The following UGT1A8 variants were observed in gnomAD, a reference collection of about 807,000 sequenced individuals.
UGT1A8 encodes UDP-glucuronosyltransferase 1A8.
Under a neutral mutation model 45.3 loss-of-function variants are expected in UGT1A8, and 39 were observed. The ratio of observed to expected loss-of-function variants is 0.86; its 90% CI spans 0.67 to 1.12. The LOEUF is 1.12. Ranked by LOEUF, UGT1A8 falls within the 50% of genes most tolerant of loss-of-function variation. The pLI is 0.00. For missense variants in UGT1A8, 719 were observed against 664.9 expected (o/e 1.08, Z -0.90); for synonymous variants, 275 against 249.2 (o/e 1.10, Z -0.97).
chr2:233,636,833 G>A (rs1220672503), intron 1 of UGT1A8: 4 of 1,614,192 alleles, frequency 2.5e-6, no homozygotes, highest in Non-Finnish European at 3.4e-6. Flanking sequence ...CAGGCACAAA[G>A]TATATTTTCT....
chr2:233,689,198 C>T (rs867212670), intron 1 of UGT1A8, among the ~76,000 whole-genome samples: 2 of 152,196 alleles, frequency 1.3e-5, no homozygotes, highest in Non-Finnish European at 2.9e-5. Flanking sequence ...AACTGTCTGG[C>T]TGGGCAAGCC....
intron 1 of UGT1A8, among the ~76,000 whole-genome samples, chr2:233,736,379 C>T (rs2078756345): frequency 6.6e-6 from 1 of 152,164 alleles, no homozygotes; most frequent in African/African-American, 2.4e-5. Context: ...TTAAGGTCTT[C>T]TCTACAGTGT....
chr2:233,627,230 A>G (rs1316364267), intron 1 of UGT1A8, among the ~76,000 whole-genome samples: 1 of 152,016 alleles, frequency 6.6e-6, no homozygotes, highest in Non-Finnish European at 1.5e-5. Flanking sequence ...AACCCTGTTC[A>G]GGCAGATATG....
Position 233,772,832 on chromosome 2 carries a change from C to CACACAAGAAAGCCAGCAAGG in UGT1A8, c.*273_*274insACACAAGAAAGCCAGCAAGG. On this transcript the variant is annotated 3_prime_UTR_variant, in exon 5 of 5. Coordinates refer to ENST00000373450, the MANE Select transcript of UGT1A8 (RefSeq NM_019076.5). ...GAGGACGTGCAGACAGGCTGGCATT[C>CACACAAGAAAGCCAGCAAGG]TAGATTACTTTTCTTACTCTGAAAC... is the stretch of plus-strand genomic sequence containing the variant. 1 of 899,520 alleles carries CACACAAGAAAGCCAGCAAGG rather than the reference C, an allele frequency of 1.1e-6. No individual in the cohort carries two copies. The highest frequency in any genetic ancestry group is 1.5e-6 in the Non-Finnish European group (1 of 646,890). The allele number at this position is 899,520 out of a possible 1,614,324, so 55.7% of individuals were successfully genotyped here. A position where few individuals can be genotyped will look rare whatever the true frequency, so the allele number is the denominator to read the frequency against.
chr2:233,642,605 G>A (rs1221022287), intron 1 of UGT1A8, among the ~76,000 whole-genome samples: 1 of 152,206 alleles, frequency 6.6e-6, no homozygotes, highest in Non-Finnish European at 1.5e-5. Flanking sequence ...GGGCATTGAA[G>A]AGTTAGGTGT....
At chr2:233,694,020 G>A (rs1390439150) in intron 1 of UGT1A8, among the ~76,000 whole-genome samples, 1 of 152,202 alleles carries the variant, frequency 6.6e-6, no homozygotes, top group African/African-American at 2.4e-5. Context: ...GAACACATAG[G>A]AGACCTGAGG....
chr2:233,729,866 A>G (rs1305518931), intron 1 of UGT1A8: 3 of 1,613,610 alleles, frequency 1.9e-6, no homozygotes, highest in South Asian at 2.2e-5. Context: ...TCAGTGGTGG[A>G]TATTCTCAGT....
chr2:233,620,670 A>G (rs566098469), intron 1 of UGT1A8, among the ~76,000 whole-genome samples: 18 of 152,328 alleles, frequency 1.2e-4, no homozygotes, highest in African/African-American at 2.6e-4. Context: ...ATTAATGTAT[A>G]TATTTATGAT....
intron 1 of UGT1A8, among the ~76,000 whole-genome samples, chr2:233,674,470 G>A (rs2074286048): frequency 6.6e-6 from 1 of 152,090 alleles, no homozygotes. Context: ...TTGGCTGAGG[G>A]TAAGGCCCTG....
intron 1 of UGT1A8, among the ~76,000 whole-genome samples, chr2:233,673,388 T>C (rs1238988554): frequency 6.6e-6 from 1 of 152,202 alleles, no homozygotes; most frequent in Non-Finnish European, 1.5e-5. Context: ...AATATTGATA[T>C]AGATTTAGGC....
intron 1 of UGT1A8, among the ~76,000 whole-genome samples, chr2:233,709,618 G>A (rs1414884854): frequency 6.6e-6 from 1 of 152,156 alleles, no homozygotes; most frequent in Non-Finnish European, 1.5e-5. Flanking sequence ...AAATATAGGT[G>A]TTTTGCTGTG....
chr2:233,626,579 A>G (rs566596367), intron 1 of UGT1A8, among the ~76,000 whole-genome samples: 1 of 152,168 alleles, frequency 6.6e-6, no homozygotes, highest in Non-Finnish European at 1.5e-5. Context: ...GAAGAAATGA[A>G]TTGTTTGGGG....
chr2:233,654,476 C>T (rs1335466722), intron 1 of UGT1A8, among the ~76,000 whole-genome samples: 2 of 152,152 alleles, frequency 1.3e-5, no homozygotes, highest in Non-Finnish European at 2.9e-5. Context: ...AAGTAGTTTA[C>T]AGCAGAGAGT....
chr2:233,760,973 C>A lies in UGT1A8; in HGVS notation c.856-6061C>A, dbSNP rs35350960. 4.8e-4 allele frequency: 769 copies of A among 1,614,172 alleles called. 15 individuals carry two copies. The East Asian group carries it at 0.013, about 27-fold the overall frequency. The stretch of plus-strand genomic sequence containing the variant: ...TTTCTGTGCGACGTGGTTTATTCCC[C>A]GTATGCAACCCTTGCCTCAGAATTC... On this transcript the variant is annotated intron_variant, in intron 1 of 4. Coordinates refer to ENST00000373450, the MANE Select transcript of UGT1A8 (RefSeq NM_019076.5).
intron 1 of UGT1A8, 29 bp from the exon 2 acceptor site, chr2:233,767,005 T>C: frequency 6.2e-7 from 1 of 1,613,726 alleles, no homozygotes; most frequent in African/African-American, 1.3e-5. Flanking sequence ...TGAGAAAAAA[T>C]TAACTGAAAA....
chr2:233,722,845 C>CT (rs61550889), intron 1 of UGT1A8, among the ~76,000 whole-genome samples: 61,845 of 135,260 alleles, frequency 0.46, 16,439 homozygotes, highest in African/African-American at 0.64. Context: ...AAGAATGTTT[C>CT]TTTTTTTTTT....
At chr2:233,757,676 T>G (rs986940319) in intron 1 of UGT1A8, among the ~76,000 whole-genome samples, 1 of 151,088 alleles carries the variant, frequency 6.6e-6, no homozygotes, top group African/African-American at 2.4e-5. Flanking sequence ...ATTCAAGGAA[T>G]TCAAGGGATT....
chr2:233,656,540 A>G (rs1160112306), intron 1 of UGT1A8, among the ~76,000 whole-genome samples: 1 of 152,206 alleles, frequency 6.6e-6, no homozygotes, highest in Non-Finnish European at 1.5e-5. Flanking sequence ...AACATAGTTT[A>G]TTCTTTAAGT....
chr2:233,737,891 T>A (rs1690616471), intron 1 of UGT1A8, among the ~76,000 whole-genome samples: 1 of 152,132 alleles, frequency 6.6e-6, no homozygotes, highest in African/African-American at 2.4e-5. Flanking sequence ...AAAGCTAATT[T>A]TCGAGTGTGG....
Sources: allele counts gnomAD v4.1 joint callset (sites outside exome capture counted in the v4.1 genomes callset), GRCh38; gene constraint gnomAD v4.1.1; transcripts MANE v1.5; gene names NCBI Gene and HGNC (gene_info 2026-07-23, HGNC 2026-07-21).